The following SLC6A12 variants were observed in gnomAD, a reference collection of about 807,000 sequenced individuals.
SLC6A12 encodes the protein solute carrier family 6 member 12.
A neutral mutation model predicts 73.3 loss-of-function variants in SLC6A12; 50 were observed. That is an observed-to-expected ratio of 0.68 (90% CI 0.54 to 0.86). SLC6A12 has a LOEUF of 0.86. Ranked by LOEUF, SLC6A12 falls within the 40% of genes least tolerant of loss-of-function variation. SLC6A12 has a pLI of 0.00. For missense variants in SLC6A12, 648 were observed against 772.8 expected, an observed-to-expected ratio of 0.84 and a Z score of 1.92; for synonymous variants, 304 against 309.2, an observed-to-expected ratio of 0.98 and a Z score of 0.18.
chr12:197,929 G>A lies in SLC6A12; in HGVS notation c.921C>T (p.Ser307=). 1 of 1,544,926 alleles carries A rather than the reference G, an allele frequency of 6.5e-7. No homozygotes were observed. Among genetic ancestry groups the A allele is most frequent in the Non-Finnish European group, 8.8e-7 (1 of 1,137,020 alleles). The change falls in exon 9 of 16, where the codon AGC becomes AGT. Residue 307 remains serine (S), a synonymous_variant. Coordinates refer to ENST00000684302, the MANE Select transcript of SLC6A12 (RefSeq NM_001122848.3). Reference sequence around the variant, plus strand: ...AGCAGTTGTTGTGATACTTGTTGTAGCTGCCCAGGGCTGTCAGGCACCCCT... The same window carrying A: ...AGCAGTTGTTGTGATACTTGTTGTAACTGCCCAGGGCTGTCAGGCACCCCT... The part of the protein sequence containing the change: ...ICQGCLTALG[S]YNKYHNNCYK...
intron 7 of SLC6A12, among the ~76,000 whole-genome samples, chr12:200,106 CTTTTTTTTTT>C (rs33929668): frequency 9.6e-6 from 1 of 104,578 alleles, no homozygotes; most frequent in Non-Finnish European, 1.8e-5. Context: ...CCTGAATATT[CTTTTTTTTTT>C]TTTTTTTTTT....
chr12:203,421 G>C (rs1940411842), intron 4 of SLC6A12: 1 of 152,176 alleles, frequency 6.6e-6, no homozygotes, highest in African/African-American at 2.4e-5. Flanking sequence ...CTCTCCTTTG[G>C]GGCCCGGCGA....
chr12:194,594 G>A (rs1044372982), intron 13 of SLC6A12, among the ~76,000 whole-genome samples: 9 of 152,248 alleles, frequency 5.9e-5, no homozygotes, highest in Non-Finnish European at 1.3e-4. Context: ...CTGGCACGCA[G>A]TCATGCATTG....
chr12:187,632 C>CAAAAAAAAAAAA (rs766643317), downstream of SLC6A12, among the ~76,000 whole-genome samples: 4 of 96,404 alleles, frequency 4.1e-5, no homozygotes, highest in South Asian at 3.8e-4. Flanking sequence ...AAAAAAAAAA[C>CAAAAAAAAAAAA]AAACCACACA....
At chr12:187,208 A>G (rs75905298), downstream of SLC6A12, among the ~76,000 whole-genome samples, 5,246 of 152,160 alleles carry the variant, frequency 0.034, 288 homozygotes, top group African/African-American at 0.12. Context: ...ACCAAAGGAA[A>G]CGAGATGAAA....
At chr12:204,440 C>G (rs1470481581) in intron 4 of SLC6A12, 124 bp downstream of exon 4, 2 of 983,992 alleles carry the variant, frequency 2.0e-6, no homozygotes, top group East Asian at 4.8e-5. Context: ...TGATTCTGCA[C>G]TTGGCGCAGG....
chr12:212,393 C>T lies in SLC6A12; in HGVS notation c.-142-283G>A, dbSNP rs564307457. On this transcript the variant is annotated intron_variant, in intron 1 of 15. Transcript: ENST00000684302. ...GTAAATGAAGGGAAAGCCGGAGGGG[C>T]GCAGGGGCAGGGAAGCGAATCACAG... Among the ~76,000 whole-genome samples, 13 of 152,090 alleles carry T rather than the reference C, an allele frequency of 8.5e-5. No homozygotes were observed. The South Asian group carries it at 1.7e-3, about 19-fold the overall frequency.
intron 15 of SLC6A12, 145 bp downstream of exon 15, chr12:192,333 G>T: frequency 1.5e-6 from 1 of 680,106 alleles, no homozygotes; most frequent in Non-Finnish European, 2.5e-6. Flanking sequence ...TTCAAAGTTC[G>T]TCTCGTTAAG....
At chr12:189,132 G>T (rs1027573838), downstream of SLC6A12, among the ~76,000 whole-genome samples, 1 of 152,236 alleles carries the variant, frequency 6.6e-6, no homozygotes, top group Non-Finnish European at 1.5e-5. Context: ...ACCGACGGGT[G>T]CCGCGGCGTT....
chr12:187,451 GT>G (rs201167477), downstream of SLC6A12, among the ~76,000 whole-genome samples: 3 of 151,502 alleles, frequency 2.0e-5, no homozygotes, highest in African/African-American at 4.9e-5. Flanking sequence ...CGCGTCTGGA[GT>G]TTTTTTTTCC....
chr12:211,751 G>T (rs140773201), intron 2 of SLC6A12, among the ~76,000 whole-genome samples: 1 of 152,298 alleles, frequency 6.6e-6, no homozygotes, highest in East Asian at 1.9e-4. Flanking sequence ...TTGAAAACAC[G>T]CATGAAAATG....
At chr12:186,984 G>T (rs1475680390), downstream of SLC6A12, among the ~76,000 whole-genome samples, 2 of 152,124 alleles carry the variant, frequency 1.3e-5, no homozygotes, top group Non-Finnish European at 2.9e-5. Context: ...TCCCTCCCCT[G>T]CCCAAAGTTC....
intron 3 of SLC6A12, among the ~76,000 whole-genome samples, chr12:207,955 G>A (rs1010988036): frequency 6.6e-6 from 1 of 152,112 alleles, no homozygotes; most frequent in Admixed American, 6.6e-5. Flanking sequence ...CCACCCCACG[G>A]CCAGGACAGA....
chr12:204,939 G>A, intron 3 of SLC6A12: 1 of 466,200 alleles, frequency 2.1e-6, no homozygotes, highest in Non-Finnish European at 3.8e-6. Context: ...GGAAATTAGT[G>A]AAAACTTAGG....
chr12:187,523 T>C (rs937605144), downstream of SLC6A12, among the ~76,000 whole-genome samples: 6 of 138,124 alleles, frequency 4.3e-5, no homozygotes, highest in South Asian at 4.6e-4. Flanking sequence ...TCCCAATGAG[T>C]GTTACACCTC....
chr12:186,894 TACC>T (rs1939441141), downstream of SLC6A12, among the ~76,000 whole-genome samples: 2 of 152,192 alleles, frequency 1.3e-5, no homozygotes, highest in Admixed American at 1.3e-4. Flanking sequence ...GTAACCCTGC[TACC>T]ACCACCCCTT....
chr12:196,351 C>A, intron 11 of SLC6A12, 90 bp from the exon 12 acceptor site: 1 of 1,465,832 alleles, frequency 6.8e-7, no homozygotes. Context: ...CTCATCCACA[C>A]TGATGCACAG....
chr12:192,432 T>C, intron 15 of SLC6A12, 46 bp downstream of exon 15: 1 of 1,578,196 alleles, frequency 6.3e-7, no homozygotes, highest in Non-Finnish European at 8.7e-7. Flanking sequence ...GTCCAGCCTC[T>C]CTCAGTGCCC....
rs141965662 is a variant in SLC6A12, at chr12:191,091, C to G, written c.1822G>C (p.Gly608Arg). ...PSPTREGLIAGEKETHL is the reference protein window; with the variant it reads ...PSPTREGLIAREKETHL Reference sequence around the variant, plus strand: ...CCCTACAAATGGGTCTCCTTCTCCCCGGCTATCAGTCCTTCCCTTGTTGGG... The same window carrying G: ...CCCTACAAATGGGTCTCCTTCTCCCGGGCTATCAGTCCTTCCCTTGTTGGG... Residue 608 changes from glycine to arginine, a missense_variant, in exon 16 of 16, where the codon GGG (glycine) becomes CGG (arginine). Gly to Arg is a moderately radical substitution (Grantham distance 125). Coordinates refer to ENST00000684302, the MANE Select transcript of SLC6A12 (RefSeq NM_001122848.3). 1.5e-6 allele frequency: 2 copies of G among 1,335,222 alleles called. No individual in the cohort carries two copies. Among genetic ancestry groups the G allele is most frequent in the Non-Finnish European group, 1.9e-6 (2 of 1,031,464 alleles). The allele number at this position is 1,335,222 out of a possible 1,614,324, so 82.7% of individuals were successfully genotyped here.
Sources: gnomAD v4.1 joint callset for allele counts (sites outside exome capture counted in the v4.1 genomes callset) on GRCh38, gnomAD v4.1.1 for gene constraint, MANE v1.5 for transcripts, NCBI Gene and HGNC (gene_info 2026-07-23, HGNC 2026-07-21) for gene names.